GLUD1: variants seen among roughly 807,000 people sequenced by gnomAD.
The protein encoded by GLUD1 is glutamate dehydrogenase 1.
Under a neutral mutation model 56.0 loss-of-function variants are expected in GLUD1, and 22 were observed. The ratio of observed to expected loss-of-function variants is 0.39; its 90% confidence interval spans 0.28 to 0.56. GLUD1 has a LOEUF of 0.56. GLUD1 is among the 20% of genes least tolerant of loss of function. The pLI is 0.58. For missense variants in GLUD1, 451 were observed against 732.0 expected (o/e 0.62, Z 4.43); for synonymous variants, 223 against 269.9 (o/e 0.83, Z 1.70).
At chr10:87,070,718 A>C (rs1008291451) in intron 4 of GLUD1, among the ~76,000 whole-genome samples, 5 of 152,086 alleles carry the variant, frequency 3.3e-5, no homozygotes, top group Admixed American at 2.6e-4. Flanking sequence ...AAAACAGTCT[A>C]TACATGCTAA....
chr10:87,076,766 ACT>A, intron 1 of GLUD1, 110 bp from the exon 2 acceptor site: 2 of 761,642 alleles, frequency 2.6e-6, no homozygotes, highest in East Asian at 2.6e-5. Context: ...GAAAATATCC[ACT>A]TTTTACATTT....
intron 4 of GLUD1, among the ~76,000 whole-genome samples, chr10:87,074,139 C>A (rs1287653741): frequency 1.3e-5 from 2 of 152,062 alleles, no homozygotes; most frequent in Non-Finnish European, 1.5e-5. Context: ...TAGTAAGATA[C>A]AAAAACATCA....
intron 4 of GLUD1, among the ~76,000 whole-genome samples, chr10:87,072,912 G>A (rs1003531607): frequency 5.9e-5 from 9 of 152,174 alleles, no homozygotes; most frequent in African/African-American, 1.7e-4. Flanking sequence ...AAGTGTGAGC[G>A]AGATAGTTAA....
intron 1 of GLUD1, among the ~76,000 whole-genome samples, chr10:87,083,566 G>A (rs1385721383): frequency 6.6e-6 from 1 of 152,232 alleles, no homozygotes; most frequent in Non-Finnish European, 1.5e-5. Flanking sequence ...TCCTTCAGCA[G>A]AGAAGGCTGA....
At chr10:87,091,156 C>T (rs1393550479) in intron 1 of GLUD1, among the ~76,000 whole-genome samples, 3 of 151,946 alleles carry the variant, frequency 2.0e-5, no homozygotes, top group Non-Finnish European at 4.4e-5. Context: ...GGTCCATCAA[C>T]TATATGTAAA....
At chr10:87,074,756 T>A in intron 3 of GLUD1, 142 bp from the exon 4 acceptor site, 1 of 645,262 alleles carries the variant, frequency 1.5e-6, no homozygotes, top group Non-Finnish European at 2.8e-6. Context: ...AAAGTAGGCA[T>A]TGCCATTTTA....
chr10:87,091,770 T>C (rs1214356784), intron 1 of GLUD1: 1 of 158,178 alleles, frequency 6.3e-6, no homozygotes, highest in Non-Finnish European at 1.4e-5. Flanking sequence ...AGAATTTTAA[T>C]TTAGAAAACT....
intron 12 of GLUD1, among the ~76,000 whole-genome samples, chr10:87,052,669 CAAAAAAAAAAAAAA>C (rs751155208): frequency 4.8e-5 from 2 of 41,726 alleles, no homozygotes; most frequent in Non-Finnish European, 9.4e-5. Context: ...AACTCCGTCT[CAAAAAAAAAAAAAA>C]AAAAAAAAAA....
intron 1 of GLUD1, among the ~76,000 whole-genome samples, chr10:87,079,372 A>G (rs765793222): frequency 5.3e-5 from 8 of 151,888 alleles, no homozygotes; most frequent in Non-Finnish European, 1.2e-4. Context: ...CAGGAGTTGC[A>G]GGCTGCAGTG....
intron 6 of GLUD1, among the ~76,000 whole-genome samples, chr10:87,062,073 C>T (rs1031462172): frequency 2.0e-5 from 3 of 152,062 alleles, no homozygotes; most frequent in Non-Finnish European, 2.9e-5. Context: ...TGAGCCACCA[C>T]GCCCGGCTTA....
intron 3 of GLUD1, 129 bp downstream of exon 3, chr10:87,075,839 G>A (rs1846372098): frequency 1.4e-5 from 10 of 719,820 alleles, no homozygotes; most frequent in South Asian, 7.2e-5. Flanking sequence ...GCTTGAACCC[G>A]GGAGGCGGAG....
chr10:87,071,161 C>T (rs1033399770), intron 4 of GLUD1, among the ~76,000 whole-genome samples: 4 of 151,478 alleles, frequency 2.6e-5, no homozygotes, highest in Admixed American at 6.6e-5. Flanking sequence ...ACAAGTAGTT[C>T]CTGAATAACA....
chr10:87,092,887 T>C (rs1477953529), intron 1 of GLUD1, among the ~76,000 whole-genome samples: 2 of 152,220 alleles, frequency 1.3e-5, no homozygotes, highest in East Asian at 3.8e-4. Context: ...CTTGTTTTCC[T>C]GGTTTGGATA....
At chr10:87,092,664 C>T (rs1344132670) in intron 1 of GLUD1, 1 of 958,136 alleles carries the variant, frequency 1.0e-6, no homozygotes, top group Non-Finnish European at 1.2e-6. Context: ...TCTGAAGAAT[C>T]GAAGAAAAAG....
chr10:87,068,037 C>T, intron 5 of GLUD1, 26 bp downstream of exon 5: 4 of 1,345,044 alleles, frequency 3.0e-6, no homozygotes, highest in Non-Finnish European at 4.3e-6. Context: ...AATGCAGAAG[C>T]CTCGGGGCTT....
chr10:87,070,389 A>G (rs557382756), intron 4 of GLUD1, among the ~76,000 whole-genome samples: 3 of 152,134 alleles, frequency 2.0e-5, no homozygotes, highest in Non-Finnish European at 2.9e-5. Flanking sequence ...TCACGAGGTC[A>G]AGAGAGAGAG....
intron 1 of GLUD1, among the ~76,000 whole-genome samples, chr10:87,092,398 A>G (rs1005435727): frequency 6.6e-6 from 1 of 152,216 alleles, no homozygotes; most frequent in Non-Finnish European, 1.5e-5. Context: ...CTCCCTGTTT[A>G]TATGCTGGGG....
chr10:87,073,928 T>A (rs1398584280), intron 4 of GLUD1, among the ~76,000 whole-genome samples: 4 of 152,118 alleles, frequency 2.6e-5, no homozygotes, highest in Non-Finnish European at 5.9e-5. Context: ...GCAGTAAGTA[T>A]TAACATTCTA....
At chr10:87,064,516 T>C (rs779686185) in intron 5 of GLUD1, among the ~76,000 whole-genome samples, 36 of 152,220 alleles carry the variant, frequency 2.4e-4, no homozygotes, top group Non-Finnish European at 5.0e-4. Flanking sequence ...CAAAATAAAA[T>C]GCCCTACTTC....
Sources: allele counts gnomAD v4.1 joint callset (sites outside exome capture counted in the v4.1 genomes callset), GRCh38; gene constraint gnomAD v4.1.1; transcripts MANE v1.5; gene names NCBI Gene and HGNC (gene_info 2026-07-23, HGNC 2026-07-21).